Variants in KDM5A observed in about 807,000 individuals in gnomAD.
KDM5A encodes lysine demethylase 5A.
A neutral mutation model predicts 193.5 loss-of-function variants in KDM5A; 42 were observed. That is an observed-to-expected ratio of 0.22 (90% CI 0.17 to 0.28). KDM5A has a LOEUF of 0.28. Among genes scored for constraint, KDM5A ranks in the 10% least tolerant of loss-of-function variants. KDM5A has a pLI of 1.00. For missense variants in KDM5A, 1,692 were observed against 2,055.1 expected (o/e 0.82, Z 3.42); for synonymous variants, 796 against 718.1 (o/e 1.11, Z -1.73).
chr12:334,112 C>T (rs1357142221), intron 11 of KDM5A, 129 bp downstream of exon 11: 11 of 849,954 alleles, frequency 1.3e-5, no homozygotes, highest in Non-Finnish European at 2.0e-5. Flanking sequence ...AAGAAATAGG[C>T]CAAGGCTAGA....
intron 1 of KDM5A, 49 bp downstream of exon 1, chr12:388,878 G>A (rs1465631354): frequency 6.3e-7 from 1 of 1,589,116 alleles, no homozygotes; most frequent in East Asian, 2.2e-5. Flanking sequence ...CCAGTGTACG[G>A]ACTCCCCCAT....
intron 10 of KDM5A, among the ~76,000 whole-genome samples, chr12:348,670 CA>C (rs1260357264): frequency 6.6e-6 from 1 of 151,636 alleles, no homozygotes; most frequent in Admixed American, 6.6e-5. Context: ...GATAGAAAAC[CA>C]AAAACCACGT....
At chr12:291,901 CTTT>C (rs199559800) in intron 27 of KDM5A, among the ~76,000 whole-genome samples, 13 of 129,868 alleles carry the variant, frequency 1.0e-4, no homozygotes, top group Admixed American at 3.1e-4. Flanking sequence ...TAAAACAATG[CTTT>C]TTTTTTTTTT....
chr12:291,238 A>G (rs1288493035), intron 27 of KDM5A, among the ~76,000 whole-genome samples: 11 of 152,256 alleles, frequency 7.2e-5, no homozygotes. Flanking sequence ...TAAAATATTT[A>G]TAGCTGTCTG....
intron 13 of KDM5A, among the ~76,000 whole-genome samples, chr12:331,305 G>T (rs1415633702): frequency 1.3e-5 from 2 of 152,126 alleles, no homozygotes; most frequent in Non-Finnish European, 2.9e-5. Flanking sequence ...ATTAGCTGTG[G>T]GTTTAAAACT....
At chr12:356,688 A>C in intron 5 of KDM5A, 151 bp from the exon 6 acceptor site, 1 of 649,200 alleles carries the variant, frequency 1.5e-6, no homozygotes, top group Non-Finnish European at 2.7e-6. Context: ...TCATTACCAC[A>C]GTTGAAAACG....
chr12:317,976 C>G, intron 19 of KDM5A, 130 bp downstream of exon 19: 1 of 714,238 alleles, frequency 1.4e-6, no homozygotes, highest in Non-Finnish European at 2.4e-6. Context: ...ACTAATGCTA[C>G]TTATACATTA....
intron 19 of KDM5A, among the ~76,000 whole-genome samples, chr12:314,714 G>C (rs2137399201): frequency 6.6e-6 from 1 of 152,282 alleles, no homozygotes; most frequent in Non-Finnish European, 1.5e-5. Flanking sequence ...GGGCAGGGTA[G>C]GGTTGGTAGA....
In KDM5A at chr12:334,413, G is replaced by A. The variant is rs753703181; in HGVS notation, c.1318C>T (p.Leu440Phe). The stretch of plus-strand genomic sequence containing the variant: ...ATGTTATTCAAATTCCAACCAGAAA[G>A]TGCATATTCCTATAAGAGAAGAAAA... ...KILPEEEEYA[L>F]SGWNLNNMPV... The change falls in exon 11 of 28, where the codon CTT becomes TTT. Residue 440 changes from leucine to phenylalanine, a missense_variant. Transcript: ENST00000399788. 1 of 1,613,160 alleles carries A rather than the reference G, an allele frequency of 6.2e-7. No homozygotes were observed.
intron 17 of KDM5A, 114 bp downstream of exon 17, chr12:322,303 C>T (rs1314568033): frequency 1.1e-6 from 1 of 880,640 alleles, no homozygotes. Context: ...AAGCAAGAGA[C>T]ATGGCAACAA....
intron 3 of KDM5A, among the ~76,000 whole-genome samples, chr12:374,007 G>A (rs192120541): frequency 3.1e-4 from 47 of 152,280 alleles, no homozygotes; most frequent in Middle Eastern, 6.8e-3. Flanking sequence ...CAACTATGTG[G>A]TCAAATTTTG....
At chr12:384,783 G>A (rs186036807) in intron 2 of KDM5A, among the ~76,000 whole-genome samples, 13 of 152,250 alleles carry the variant, frequency 8.5e-5, no homozygotes, top group East Asian at 1.9e-4. Context: ...AGTCTCTAAC[G>A]TTCTGTCATT....
rs535822302 is a variant in KDM5A, at chr12:388,856, G to C, written c.165+71C>G. ...ATGAAACGAGACAAGGATCAGAAAA[G>C]TAAAGCTAAACCCAGTGTACGGACT... On this transcript the variant is annotated intron_variant, in intron 1 of 27. Transcript: ENST00000399788. 8,228 of 1,520,132 alleles carry C rather than the reference G, an allele frequency of 5.4e-3. 62 individuals carry two copies. Among genetic ancestry groups the C allele is most frequent in the Middle Eastern group, 0.021 (116 of 5,448 alleles). 94.2% of individuals were successfully genotyped at this position (1,520,132 alleles called of 1,614,324 possible).
In KDM5A at chr12:280,302, C is replaced by A; in HGVS notation, c.*5154G>T. On this transcript the variant is annotated 3_prime_UTR_variant, in exon 28 of 28. Coordinates refer to ENST00000399788, the MANE Select transcript of KDM5A (RefSeq NM_001042603.3). ...GGATCTTCCATTTATTGGTATCAAC[C>A]ACAATAGCAAGACCCCCAAGAAATA... The A allele has an allele frequency of 4.3e-6, 1 of 232,804 alleles. No homozygotes were observed. Among genetic ancestry groups the A allele is most frequent in the Non-Finnish European group, 8.5e-6 (1 of 117,880 alleles). The allele number at this position is 232,804 out of a possible 1,614,324, so 14.4% of individuals were successfully genotyped here. A position where few individuals can be genotyped will look rare whatever the true frequency, so the allele number is the denominator to read the frequency against.
intron 27 of KDM5A, among the ~76,000 whole-genome samples, chr12:291,499 T>G (rs929332852): frequency 6.6e-6 from 1 of 152,180 alleles, no homozygotes; most frequent in Non-Finnish European, 1.5e-5. Context: ...TTACCTTCCC[T>G]GAGTCCTGGT....
chr12:318,897 T>A (rs922767178), intron 18 of KDM5A, among the ~76,000 whole-genome samples: 3 of 152,230 alleles, frequency 2.0e-5, no homozygotes, highest in African/African-American at 7.2e-5. Flanking sequence ...AAGGGCATAT[T>A]ACTTAGTAAT....
At chr12:306,038 A>T (rs1397178808) in intron 24 of KDM5A, among the ~76,000 whole-genome samples, 1 of 144,272 alleles carries the variant, frequency 6.9e-6, no homozygotes, top group Non-Finnish European at 1.5e-5. Context: ...TGGTGCAATC[A>T]TGGCTCACTG....
Position 318,307 on chromosome 12 carries a change from T to C in KDM5A, c.2696A>G (p.Gln899Arg). ...PELPRLKQEL[Q>R]QARWLDEVRL... is the part of the protein sequence containing the mutation. ...TACTTCGTCCAACCACCGAGCCTGTTGTAGCTCTTGCTTCAGTCGTGGTAA... is the reference window on the plus strand; with the variant it reads ...TACTTCGTCCAACCACCGAGCCTGTCGTAGCTCTTGCTTCAGTCGTGGTAA... The change falls in exon 19 of 28, where the codon CAA (glutamine) becomes CGA (arginine). Residue 899 changes from glutamine (Q) to arginine (R), a missense_variant. Physicochemically the swap from Gln to Arg is conservative, Grantham distance 43. Around this residue, in one of 11 missense-constraint regions of KDM5A, gnomAD observed 965 missense variants for 1,061.0 expected, o/e 0.91. Transcript: ENST00000399788. The C allele has an allele frequency of 1.2e-6, 2 of 1,614,142 alleles. No individual in the cohort carries two copies.
intron 24 of KDM5A, among the ~76,000 whole-genome samples, chr12:303,021 T>C (rs1324567729): frequency 6.6e-6 from 1 of 152,186 alleles, no homozygotes; most frequent in Admixed American, 6.5e-5. Flanking sequence ...AAACAACAGA[T>C]GCTACAGAGG....
Sources: gnomAD v4.1 joint callset for allele counts (sites outside exome capture counted in the v4.1 genomes callset) on GRCh38, gnomAD v4.1.1 for gene constraint, gnomAD v4.1.1 regional missense constraint, MANE v1.5 for transcripts, NCBI Gene and HGNC (gene_info 2026-07-23, HGNC 2026-07-21) for gene names.